EFCAB5: variants seen among roughly 807,000 people sequenced by gnomAD.
EFCAB5 encodes the protein EF-hand calcium binding domain 5.
A neutral mutation model predicts 167.9 loss-of-function variants in EFCAB5; 131 were observed. The observed-to-expected ratio is 0.78, with a 90% CI of 0.68 to 0.90. The LOEUF is 0.90. Among genes scored for constraint, EFCAB5 ranks in the 40% least tolerant of loss-of-function variants. EFCAB5 has a pLI of 0.00. For missense variants in EFCAB5, 1,663 were observed against 1,745.2 expected (o/e 0.95, Z 0.84); for synonymous variants, 574 against 602.8 (o/e 0.95, Z 0.70).
At chr17:30,049,219 C>A (rs968858066) in intron 8 of EFCAB5, among the ~76,000 whole-genome samples, 3 of 152,026 alleles carry the variant, frequency 2.0e-5, no homozygotes, top group Non-Finnish European at 4.4e-5. Flanking sequence ...GGGTTTATGA[C>A]CTTGTTAAAA....
At chr17:29,965,490 G>C (rs1015162137) in intron 3 of EFCAB5, among the ~76,000 whole-genome samples, 3 of 152,120 alleles carry the variant, frequency 2.0e-5, no homozygotes, top group Non-Finnish European at 4.4e-5. Flanking sequence ...ATGTGCACTT[G>C]AGAAAAATAT....
chr17:29,953,831 A>G (rs1020442778), intron 3 of EFCAB5, among the ~76,000 whole-genome samples: 1 of 152,254 alleles, frequency 6.6e-6, no homozygotes, highest in Admixed American at 6.5e-5. Flanking sequence ...GGAACTTCCT[A>G]GAGACTTGTT....
chr17:30,102,251 G>T (rs2071391891), intron 22 of EFCAB5, among the ~76,000 whole-genome samples: 1 of 152,200 alleles, frequency 6.6e-6, no homozygotes, highest in Non-Finnish European at 1.5e-5. Context: ...AGAGTCATCA[G>T]CCAGAGTGAA....
intron 14 of EFCAB5, among the ~76,000 whole-genome samples, chr17:30,076,125 C>T (rs2070863289): frequency 6.6e-6 from 1 of 152,234 alleles, no homozygotes; most frequent in South Asian, 2.1e-4. Flanking sequence ...CTGGTTCTTT[C>T]TCTTTGTCTT....
intron 7 of EFCAB5, among the ~76,000 whole-genome samples, chr17:30,014,038 T>A (rs1441780361): frequency 6.6e-6 from 1 of 152,242 alleles, no homozygotes; most frequent in African/African-American, 2.4e-5. Flanking sequence ...ACATCTTTAT[T>A]TCTGCCTTCA....
intron 1 of EFCAB5, among the ~76,000 whole-genome samples, chr17:29,931,824 G>C (rs2067199759): frequency 6.6e-6 from 1 of 152,166 alleles, no homozygotes. Flanking sequence ...AAATCTGTAG[G>C]TCTTAGTACT....
At chr17:30,078,915 T>G (rs1249558933) in intron 15 of EFCAB5, among the ~76,000 whole-genome samples, 1 of 152,222 alleles carries the variant, frequency 6.6e-6, no homozygotes, top group Non-Finnish European at 1.5e-5. Context: ...AATCATAAAC[T>G]CATTATCGAG....
At chr17:30,082,202 C>T (rs1307930141) in intron 17 of EFCAB5, among the ~76,000 whole-genome samples, 1 of 152,160 alleles carries the variant, frequency 6.6e-6, no homozygotes, top group East Asian at 1.9e-4. Context: ...TTAACATTGG[C>T]ATCCGATCAA....
At chr17:30,086,996 TC>T in intron 18 of EFCAB5, 66 bp from the exon 19 acceptor site, 2 of 1,402,470 alleles carry the variant, frequency 1.4e-6, no homozygotes, top group Non-Finnish European at 2.0e-6. Flanking sequence ...TATTTATCTG[TC>T]CCCAAAAGCT....
intron 7 of EFCAB5, among the ~76,000 whole-genome samples, chr17:30,023,903 G>A (rs559472847): frequency 8.8e-4 from 134 of 152,162 alleles, no homozygotes; most frequent in African/African-American, 3.1e-3. Context: ...ATGTAATCCA[G>A]CATATAAACA....
At chr17:29,959,550 G>T (rs1444500888) in intron 3 of EFCAB5, among the ~76,000 whole-genome samples, 2 of 152,036 alleles carry the variant, frequency 1.3e-5, no homozygotes, top group Non-Finnish European at 2.9e-5. Context: ...TAGTCATCAG[G>T]TGATGAATCC....
intron 7 of EFCAB5, among the ~76,000 whole-genome samples, chr17:30,008,358 C>T (rs2068818756): frequency 6.6e-6 from 1 of 152,002 alleles, no homozygotes; most frequent in Admixed American, 6.6e-5. Context: ...TTTGGGAGGC[C>T]GAGGCAGGCA....
In EFCAB5 at chr17:30,045,729, G is replaced by A. The variant is rs537622430; in HGVS notation, c.1201-5389G>A. 1.4e-4 allele frequency among the ~76,000 whole-genome samples: 21 copies of A among 152,082 alleles called. 1 individual carries two copies. The South Asian group carries it at 4.2e-3, about 30-fold the overall frequency. Reference sequence around the variant, plus strand: ...AATAAACAAAAATTACCTGGGTATCGTGGTGCATGCCTGTAGTCCTATCTA... The same window carrying A: ...AATAAACAAAAATTACCTGGGTATCATGGTGCATGCCTGTAGTCCTATCTA... On this transcript the variant is annotated intron_variant, in intron 8 of 22. Transcript: ENST00000394835.
chr17:30,022,113 ATC>A (rs2069194124), intron 7 of EFCAB5, among the ~76,000 whole-genome samples: 1 of 152,170 alleles, frequency 6.6e-6, no homozygotes, highest in Non-Finnish European at 1.5e-5. Flanking sequence ...ACAGGTGATA[ATC>A]TGTTTGTTGA....
intron 3 of EFCAB5, among the ~76,000 whole-genome samples, chr17:29,967,718 T>C (rs1267960699): frequency 3.9e-5 from 6 of 152,120 alleles, no homozygotes; most frequent in Non-Finnish European, 8.8e-5. Context: ...GAGATTTTGG[T>C]AGGGGAGGGG....
At chr17:29,980,280 A>G (rs2068147337) in intron 4 of EFCAB5, among the ~76,000 whole-genome samples, 1 of 152,246 alleles carries the variant, frequency 6.6e-6, no homozygotes, top group South Asian at 2.1e-4. Context: ...ATAGGGAAAA[A>G]ATACAAAATT....
intron 14 of EFCAB5, chr17:30,069,493 G>C (rs1170187865): frequency 6.3e-7 from 1 of 1,597,518 alleles, no homozygotes; most frequent in Non-Finnish European, 8.6e-7. Flanking sequence ...AGTTAGTTGT[G>C]GGGGCAACTG....
intron 7 of EFCAB5, among the ~76,000 whole-genome samples, chr17:30,003,512 C>T (rs867418657): frequency 6.7e-5 from 10 of 148,960 alleles, no homozygotes; most frequent in Admixed American, 2.0e-4. Flanking sequence ...GGATTATAGG[C>T]GTGAGCCACT....
At chr17:29,934,869 A>G (rs540991380) in intron 1 of EFCAB5, among the ~76,000 whole-genome samples, 12 of 152,314 alleles carry the variant, frequency 7.9e-5, no homozygotes, top group Admixed American at 1.3e-4. Flanking sequence ...AGATTTATCA[A>G]CCACTCCAGT....
Sources: allele counts gnomAD v4.1 joint callset (sites outside exome capture counted in the v4.1 genomes callset), GRCh38; gene constraint gnomAD v4.1.1; transcripts MANE v1.5; gene names NCBI Gene and HGNC (gene_info 2026-07-23, HGNC 2026-07-21).